Variants in NR1H4 observed in about 807,000 individuals in gnomAD.
NR1H4 encodes nuclear receptor subfamily 1 group H member 4, also known as bile acid receptor.
A neutral mutation model predicts 58.5 loss-of-function variants in NR1H4; 23 were observed. The ratio of observed to expected loss-of-function variants is 0.39; its 90% CI spans 0.28 to 0.56. The LOEUF is 0.56. NR1H4 is among the 20% of genes least tolerant of loss of function. The probability of loss-of-function intolerance (pLI) is 0.58; values close to 1 mark genes in which losing one functional copy is unlikely to be tolerated. For missense variants in NR1H4, 487 were observed against 576.9 expected, an observed-to-expected ratio of 0.84 and a Z score of 1.60; for synonymous variants, 214 against 198.0, an observed-to-expected ratio of 1.08 and a Z score of -0.68.
chr12:100,536,637 G>A (rs1258906974), intron 7 of NR1H4, 27 bp downstream of exon 7: 3 of 1,257,746 alleles, frequency 2.4e-6, no homozygotes, highest in Admixed American at 1.7e-5. Flanking sequence ...AAAATATGTG[G>A]GTTTAAAGTT....
intron 9 of NR1H4, among the ~76,000 whole-genome samples, chr12:100,546,846 A>G (rs1955083034): frequency 6.6e-6 from 1 of 152,068 alleles, no homozygotes; most frequent in Admixed American, 6.6e-5. Context: ...CAATATGATC[A>G]TTTCCTTAGA....
At chr12:100,487,127 G>C (rs1480871292) in intron 1 of NR1H4, among the ~76,000 whole-genome samples, 1 of 152,114 alleles carries the variant, frequency 6.6e-6, no homozygotes, top group Non-Finnish European at 1.5e-5. Context: ...AATACAACAA[G>C]ATAGGATTTG....
At chr12:100,480,168 G>T (rs1331609145) in intron 1 of NR1H4, among the ~76,000 whole-genome samples, 1 of 152,164 alleles carries the variant, frequency 6.6e-6, no homozygotes, top group Non-Finnish European at 1.5e-5. Flanking sequence ...CCCTGCTTGT[G>T]CTCCTGATGG....
intron 3 of NR1H4, among the ~76,000 whole-genome samples, chr12:100,501,714 C>A (rs1268232718): frequency 6.6e-6 from 1 of 152,192 alleles, no homozygotes; most frequent in Non-Finnish European, 1.5e-5. Flanking sequence ...GTATAGCTCA[C>A]CTTTGCCTTT....
Position 100,536,944 on chromosome 12 carries a change from T to G in NR1H4, c.832-4T>G, listed in dbSNP as rs1954827659. 3 of 1,512,608 alleles carry G rather than the reference T, an allele frequency of 2.0e-6. No homozygotes were observed. Among genetic ancestry groups the G allele is most frequent in the Non-Finnish European group, 1.8e-6 (2 of 1,105,304 alleles). 93.7% of individuals were successfully genotyped at this position (1,512,608 alleles called of 1,614,324 possible). On this transcript the variant is annotated splice_region_variant and splice_polypyrimidine_tract_variant and intron_variant, in intron 7 of 10. Transcript: ENST00000392986. ...TAATCATTGGTTTTTTTCTTAAAAT[T>G]TAGTTAAAAGAAGAATTCAGTGCAG...
At chr12:100,494,750 A>AT (rs370723723) in intron 3 of NR1H4, among the ~76,000 whole-genome samples, 1 of 152,264 alleles carries the variant, frequency 6.6e-6, no homozygotes, top group Non-Finnish European at 1.5e-5. Flanking sequence ...CATCTTAATG[A>AT]TTTTTTCTTC....
At position 100,563,308 on chromosome 12, in the gene NR1H4, A is replaced by G. The variant is rs1273888149; in HGVS notation, c.1250A>G (p.Asp417Gly). 6.2e-7 allele frequency: 1 copy of G among 1,614,164 alleles called. No homozygotes were observed. The highest frequency in any genetic ancestry group is 1.3e-5 in the African/African-American group (1 of 75,034). Residue 417 changes from aspartate to glycine, a missense_variant, in exon 11 of 11, where the codon GAT (aspartate) becomes GGT (glycine). Physicochemically the swap from Asp to Gly is moderately conservative, Grantham distance 94. Transcript: ENST00000392986. ...GAGAAGCTTCAGGAGCCACTTCTTG[A>G]TGTGCTACAAAAGTTGTGTAAGATT... ...AVEKLQEPLL[D>G]VLQKLCKIHQ... is the part of the protein sequence containing the mutation.
intron 5 of NR1H4, among the ~76,000 whole-genome samples, chr12:100,534,139 C>T (rs1339267028): frequency 2.0e-5 from 3 of 151,332 alleles, no homozygotes; most frequent in East Asian, 3.9e-4. Flanking sequence ...CTCATCCACC[C>T]GCCTCGGCCT....
chr12:100,533,932 C>T (rs1002064876), intron 5 of NR1H4, among the ~76,000 whole-genome samples: 1 of 151,134 alleles, frequency 6.6e-6, no homozygotes, highest in Non-Finnish European at 1.5e-5. Context: ...CTCTGTCGCC[C>T]AGGCCGGACT....
At chr12:100,547,469 C>T (rs1410541566) in intron 9 of NR1H4, among the ~76,000 whole-genome samples, 2 of 152,032 alleles carry the variant, frequency 1.3e-5, no homozygotes, top group East Asian at 3.9e-4. Flanking sequence ...AAGGAATAAT[C>T]CTGAAGTGGT....
intron 4 of NR1H4, among the ~76,000 whole-genome samples, chr12:100,512,198 A>C (rs1954136596): frequency 6.6e-6 from 1 of 152,112 alleles, no homozygotes; most frequent in African/African-American, 2.4e-5. Flanking sequence ...ATGCCACTGC[A>C]CTCCAGACTG....
Position 100,495,126 on chromosome 12 carries a change from G to A in NR1H4, c.79+1724G>A, listed in dbSNP as rs188127298. On this transcript the variant is annotated intron_variant, in intron 3 of 10. Transcript: ENST00000392986. ...AAGATGATTGCTAAGGAAGCACTGTGCCTTCTGCTTTTATGGTGTGGTTCT... is the reference window on the plus strand; with the variant it reads ...AAGATGATTGCTAAGGAAGCACTGTACCTTCTGCTTTTATGGTGTGGTTCT... Among the ~76,000 whole-genome samples the A allele has an allele frequency of 2.2e-4, 33 of 152,306 alleles. No individual in the cohort carries two copies. In the East Asian group the frequency reaches 5.0e-3, roughly 23 times the overall value.
In NR1H4 at chr12:100,510,920, C is replaced by G; in HGVS notation, c.222C>G (p.Pro74=). Residue 74 remains proline (P), a synonymous_variant, in exon 4 of 11, where the codon CCC becomes CCG. Coordinates refer to ENST00000392986, the MANE Select transcript of NR1H4 (RefSeq NM_001206979.2). ...SSYYSNLGFY[P]QQPEEWYSPG... ...ATTATTCCAACCTGGGTTTCTACCC[C>G]CAGCAGCCTGAAGAGTGGTACTCTC... is the stretch of plus-strand genomic sequence containing the variant. The G allele has an allele frequency of 6.2e-7, 1 of 1,614,188 alleles. No homozygotes were observed. The highest frequency in any genetic ancestry group is 8.5e-7 in the Non-Finnish European group (1 of 1,180,036).
intron 4 of NR1H4, among the ~76,000 whole-genome samples, chr12:100,529,032 A>T (rs1351352066): frequency 6.6e-6 from 1 of 152,190 alleles, no homozygotes; most frequent in Non-Finnish European, 1.5e-5. Flanking sequence ...GTCTCTTAAA[A>T]TGCATGCTTT....
intron 3 of NR1H4, 77 bp from the exon 4 acceptor site, chr12:100,510,701 T>A: frequency 6.5e-7 from 1 of 1,542,572 alleles, no homozygotes; most frequent in East Asian, 2.3e-5. Context: ...CCCACACTCC[T>A]AACCATTACG....
chr12:100,521,342 C>T (rs1003947670), intron 4 of NR1H4, among the ~76,000 whole-genome samples: 3 of 152,134 alleles, frequency 2.0e-5, no homozygotes, highest in Non-Finnish European at 4.4e-5. Context: ...ACAATGACTG[C>T]CACTTTCTCA....
intron 9 of NR1H4, among the ~76,000 whole-genome samples, chr12:100,544,079 C>T (rs935497286): frequency 2.0e-4 from 30 of 151,856 alleles, no homozygotes; most frequent in Admixed American, 2.0e-4. Context: ...GGTGAAACCC[C>T]GTCTCTACTA....
chr12:100,553,817 A>G (rs910266418), intron 9 of NR1H4, among the ~76,000 whole-genome samples: 9 of 152,224 alleles, frequency 5.9e-5, no homozygotes, highest in Non-Finnish European at 1.2e-4. Flanking sequence ...GCTAGGCACT[A>G]TGTCTGGGCA....
intron 6 of NR1H4, among the ~76,000 whole-genome samples, chr12:100,536,152 T>C (rs777491627): frequency 5.3e-5 from 8 of 151,848 alleles, no homozygotes; most frequent in Non-Finnish European, 1.2e-4. Flanking sequence ...TTCATAGTAG[T>C]CATACTATAT....
Sources: allele counts gnomAD v4.1 joint callset (sites outside exome capture counted in the v4.1 genomes callset), GRCh38; gene constraint gnomAD v4.1.1; transcripts MANE v1.5; gene names NCBI Gene and HGNC (gene_info 2026-07-23, HGNC 2026-07-21).